The following PARD3 variants were observed in gnomAD, a reference collection of about 807,000 sequenced individuals.
PARD3 encodes par-3 family cell polarity regulator.
PARD3 carries 75 observed loss-of-function variants against 155.4 expected under a neutral mutation model. The observed-to-expected ratio is 0.48, with a 90% confidence interval of 0.40 to 0.58. PARD3 has a LOEUF of 0.58. PARD3 is among the 20% of genes least tolerant of loss of function. PARD3 has a pLI of 0.00. For missense variants in PARD3, 1,642 were observed against 1,721.7 expected (o/e 0.95, Z 0.82); for synonymous variants, 576 against 610.5 (o/e 0.94, Z 0.83).
chr10:34,641,874 T>C (rs2092689258), intron 2 of PARD3, among the ~76,000 whole-genome samples: 1 of 152,068 alleles, frequency 6.6e-6, no homozygotes, highest in African/African-American at 2.4e-5. Flanking sequence ...GAAGGGAGCG[T>C]GGAGGAGGGC....
intron 2 of PARD3, among the ~76,000 whole-genome samples, chr10:34,575,177 A>G (rs2086784818): frequency 6.6e-6 from 1 of 152,212 alleles, no homozygotes; most frequent in African/African-American, 2.4e-5. Context: ...AAAGTAAAAC[A>G]AAATTCTGAG....
intron 2 of PARD3, among the ~76,000 whole-genome samples, chr10:34,629,451 G>C (rs952396813): frequency 2.0e-5 from 3 of 152,202 alleles, no homozygotes; most frequent in African/African-American, 7.2e-5. Context: ...GTGTGTGCAT[G>C]TGCACACACA....
At chr10:34,438,718 A>G (rs2076311990) in intron 5 of PARD3, among the ~76,000 whole-genome samples, 1 of 152,250 alleles carries the variant, frequency 6.6e-6, no homozygotes, top group African/African-American at 2.4e-5. Flanking sequence ...AAGATAAAAA[A>G]TAAAAAAGAA....
intron 1 of PARD3, among the ~76,000 whole-genome samples, chr10:34,727,745 C>G (rs568230177): frequency 6.6e-6 from 1 of 152,078 alleles, no homozygotes; most frequent in East Asian, 1.9e-4. Context: ...TACGAAACCC[C>G]GGCCTGCTGG....
intron 9 of PARD3, 146 bp from the exon 10 acceptor site, chr10:34,378,252 TA>T: frequency 1.7e-6 from 1 of 602,816 alleles, no homozygotes; most frequent in Non-Finnish European, 2.8e-6. Flanking sequence ...AAAGTTGTAA[TA>T]AATTTTTCAA....
chr10:34,481,436 G>C (rs1208467333), intron 3 of PARD3, among the ~76,000 whole-genome samples: 2 of 152,092 alleles, frequency 1.3e-5, no homozygotes, highest in Non-Finnish European at 2.9e-5. Flanking sequence ...TGATGTAAAT[G>C]ACCAGCTACT....
chr10:34,565,256 A>G (rs774579359), intron 2 of PARD3, among the ~76,000 whole-genome samples: 7 of 133,996 alleles, frequency 5.2e-5, no homozygotes, highest in South Asian at 2.3e-4. Context: ...ACAAAGGAGC[A>G]AGGCTTTTTT....
At chr10:34,616,795 T>C (rs1181228823) in intron 2 of PARD3, among the ~76,000 whole-genome samples, 4 of 151,536 alleles carry the variant, frequency 2.6e-5, no homozygotes, top group Non-Finnish European at 5.9e-5. Flanking sequence ...AAAAGCCAGG[T>C]ATGGTGGCAT....
At chr10:34,662,318 A>T (rs1474298242) in intron 2 of PARD3, among the ~76,000 whole-genome samples, 1 of 152,246 alleles carries the variant, frequency 6.6e-6, no homozygotes, top group Non-Finnish European at 1.5e-5. Flanking sequence ...AATGTAAATT[A>T]GTACAACCAC....
At chr10:34,521,875 G>A (rs2133697151) in intron 2 of PARD3, among the ~76,000 whole-genome samples, 1 of 152,314 alleles carries the variant, frequency 6.6e-6, no homozygotes, top group Non-Finnish European at 1.5e-5. Flanking sequence ...TGGAGAATCA[G>A]AAAAAGCTAC....
At chr10:34,805,734 T>C (rs911677394) in intron 1 of PARD3, among the ~76,000 whole-genome samples, 27 of 151,872 alleles carry the variant, frequency 1.8e-4, no homozygotes, top group African/African-American at 6.5e-4. Context: ...CCCAGCACTT[T>C]GGGAGGCTGA....
intron 3 of PARD3, among the ~76,000 whole-genome samples, chr10:34,482,939 G>A (rs890415395): frequency 5.9e-5 from 9 of 151,658 alleles, no homozygotes; most frequent in African/African-American, 1.5e-4. Context: ...ACCTGAGGTC[G>A]GGAGTTCAAG....
chr10:34,662,122 A>G (rs2489660), intron 2 of PARD3, among the ~76,000 whole-genome samples: 282 of 152,290 alleles, frequency 1.9e-3, no homozygotes, highest in African/African-American at 6.5e-3. Context: ...TGGCCCTTTC[A>G]TCAGTATTCC....
intron 2 of PARD3, among the ~76,000 whole-genome samples, chr10:34,676,404 C>T (rs1413706734): frequency 1.3e-5 from 2 of 152,094 alleles, no homozygotes; most frequent in South Asian, 2.1e-4. Context: ...CCACAATAAA[C>T]AAATGATCCA....
chr10:34,328,384 G>C (rs570168550), intron 19 of PARD3, among the ~76,000 whole-genome samples: 2 of 152,232 alleles, frequency 1.3e-5, no homozygotes, highest in Non-Finnish European at 2.9e-5. Flanking sequence ...GGGCAGTGAG[G>C]GGGTACATAG....
intron 3 of PARD3, among the ~76,000 whole-genome samples, chr10:34,484,754 C>T (rs1229148582): frequency 6.6e-6 from 1 of 152,178 alleles, no homozygotes; most frequent in Non-Finnish European, 1.5e-5. Context: ...CTAAGAGAGG[C>T]ACTGTCTTTA....
intron 3 of PARD3, among the ~76,000 whole-genome samples, chr10:34,509,262 G>A (rs550256416): frequency 2.0e-5 from 3 of 152,054 alleles, no homozygotes; most frequent in East Asian, 1.9e-4. Flanking sequence ...AAGACCTTCC[G>A]AGAGATACAT....
intron 2 of PARD3, among the ~76,000 whole-genome samples, chr10:34,681,766 ATATTTTTTTTTTTTT>A (rs1760017908): frequency 5.1e-5 from 1 of 19,692 alleles, no homozygotes; most frequent in African/African-American, 2.8e-4. Flanking sequence ...ATATATATAT[ATATTTTTTTTTTTTT>A]TTTTTTTTTT....
chr10:34,185,873 A>G (rs1324787960), intron 22 of PARD3, among the ~76,000 whole-genome samples: 2 of 148,522 alleles, frequency 1.3e-5, no homozygotes, highest in Admixed American at 6.8e-5. Flanking sequence ...AGGAATATCC[A>G]TATTACACAT....
Sources: gnomAD v4.1 joint callset for allele counts (sites outside exome capture counted in the v4.1 genomes callset) on GRCh38, gnomAD v4.1.1 for gene constraint, MANE v1.5 for transcripts, NCBI Gene and HGNC (gene_info 2026-07-23, HGNC 2026-07-21) for gene names.